The following GULP1 variants were observed in gnomAD, a reference collection of about 807,000 sequenced individuals.
GULP1 encodes the protein PTB domain-containing engulfment adapter protein 1.
A neutral mutation model predicts 40.9 loss-of-function variants in GULP1; 19 were observed. That is an observed-to-expected ratio of 0.46 (90% CI 0.32 to 0.68). GULP1 has a LOEUF of 0.68. Among genes scored for constraint, GULP1 ranks in the 30% least tolerant of loss-of-function variants. The pLI is 0.03. For synonymous variants in GULP1, 119 were observed against 117.6 expected (o/e 1.01, Z -0.08); for missense variants, 312 against 362.2 (o/e 0.86, Z 1.12).
chr2:188,318,637 G>A (rs2039497582), intron 1 of GULP1, among the ~76,000 whole-genome samples: 1 of 149,242 alleles, frequency 6.7e-6, no homozygotes, highest in African/African-American at 2.5e-5. Flanking sequence ...TCATTGGCAT[G>A]GTGAGTTACT....
intron 1 of GULP1, among the ~76,000 whole-genome samples, chr2:188,348,120 C>T (rs1390669970): frequency 9.9e-5 from 15 of 152,030 alleles, no homozygotes; most frequent in Non-Finnish European, 4.4e-5. Context: ...ATTTATAAAG[C>T]AATTGAAAAA....
At chr2:188,457,582 A>T (rs1332293310) in intron 2 of GULP1, among the ~76,000 whole-genome samples, 4 of 152,206 alleles carry the variant, frequency 2.6e-5, no homozygotes, top group Admixed American at 2.6e-4. Flanking sequence ...GTATTTCTTT[A>T]TAAGCAGCAT....
intron 5 of GULP1, among the ~76,000 whole-genome samples, chr2:188,525,014 C>A (rs1183959320): frequency 2.6e-5 from 4 of 151,838 alleles, no homozygotes; most frequent in Non-Finnish European, 5.9e-5. Flanking sequence ...ATGAATTTTT[C>A]ATGCTTCTGT....
chr2:188,579,392 T>A (rs1226905816), intron 9 of GULP1, among the ~76,000 whole-genome samples: 1 of 151,972 alleles, frequency 6.6e-6, no homozygotes, highest in Non-Finnish European at 1.5e-5. Context: ...TTATTTTTAA[T>A]TTAAAAATTT....
intron 2 of GULP1, among the ~76,000 whole-genome samples, chr2:188,436,257 A>G (rs1394437863): frequency 2.0e-5 from 3 of 151,962 alleles, no homozygotes; most frequent in Non-Finnish European, 2.9e-5. Flanking sequence ...TTCTGGTTGT[A>G]TTATCTTTTA....
At chr2:188,401,071 A>G (rs893734956) in intron 2 of GULP1, among the ~76,000 whole-genome samples, 12 of 151,970 alleles carry the variant, frequency 7.9e-5, no homozygotes, top group Non-Finnish European at 1.6e-4. Context: ...CCAGTTGTCT[A>G]GTGGCCTGTA....
intron 1 of GULP1, among the ~76,000 whole-genome samples, chr2:188,345,534 A>T (rs572744832): frequency 6.6e-5 from 10 of 152,348 alleles, no homozygotes; most frequent in Non-Finnish European, 1.2e-4. Context: ...ATTAAATATG[A>T]TCATTGGATT....
At chr2:188,329,187 C>A (rs1179036092) in intron 1 of GULP1, among the ~76,000 whole-genome samples, 1 of 151,748 alleles carries the variant, frequency 6.6e-6, no homozygotes, top group Non-Finnish European at 1.5e-5. Flanking sequence ...CCTCTTCTTC[C>A]TTCAGGCTGG....
chr2:188,538,667 C>T (rs904829707), intron 6 of GULP1, among the ~76,000 whole-genome samples: 21 of 149,378 alleles, frequency 1.4e-4, no homozygotes, highest in Admixed American at 6.0e-4. Context: ...ATGCTGATTG[C>T]GGTATGTGTG....
intron 2 of GULP1, among the ~76,000 whole-genome samples, chr2:188,455,276 T>C (rs2059164174): frequency 6.6e-6 from 1 of 152,184 alleles, no homozygotes; most frequent in South Asian, 2.1e-4. Flanking sequence ...AATTTAAAAA[T>C]ATTCCCAAAA....
chr2:188,473,841 A>G (rs906290524), intron 2 of GULP1, among the ~76,000 whole-genome samples: 1 of 152,138 alleles, frequency 6.6e-6, no homozygotes, highest in Admixed American at 6.5e-5. Flanking sequence ...TCTCAAGCTG[A>G]AGGAGTCTTG....
intron 2 of GULP1, among the ~76,000 whole-genome samples, chr2:188,410,673 C>A (rs1255057760): frequency 6.6e-6 from 1 of 151,998 alleles, no homozygotes; most frequent in Non-Finnish European, 1.5e-5. Flanking sequence ...TAGGAAGAGC[C>A]CAAAGTGGCT....
intron 1 of GULP1, among the ~76,000 whole-genome samples, chr2:188,372,956 T>A (rs79089391): frequency 0.044 from 6,727 of 152,062 alleles, 226 homozygotes; most frequent in Non-Finnish European, 0.07. Flanking sequence ...TATCCTTCTA[T>A]CCAAGAATAG....
intron 1 of GULP1, among the ~76,000 whole-genome samples, chr2:188,359,339 G>A (rs1405539421): frequency 6.6e-6 from 1 of 152,116 alleles, no homozygotes; most frequent in Non-Finnish European, 1.5e-5. Flanking sequence ...GCTCCAGAGT[G>A]ATATATGCTA....
In GULP1 at chr2:188,594,054, A is replaced by G. The variant is rs747229445; in HGVS notation, c.*43A>G. 5.2e-6 allele frequency: 5 copies of G among 964,054 alleles called. No individual in the cohort carries two copies. The highest frequency in any genetic ancestry group is 3.2e-5 in the African/African-American group (2 of 62,364). The allele number at this position is 964,054 out of a possible 1,614,324, so 59.7% of individuals were successfully genotyped here. ...CCTGATTCATGTTAAATGTGTTTGT[A>G]TACACATGTCATTTATTATTATTAC... On this transcript the variant is annotated 3_prime_UTR_variant, in exon 12 of 12. Coordinates refer to ENST00000409830, the MANE Select transcript of GULP1 (RefSeq NM_016315.4).
chr2:188,462,444 G>A (rs2059785043), intron 2 of GULP1, among the ~76,000 whole-genome samples: 1 of 152,090 alleles, frequency 6.6e-6, no homozygotes, highest in South Asian at 2.1e-4. Context: ...GCTCCATTTG[G>A]CCGAGAGTGC....
chr2:188,511,054 T>A (rs1215229982), intron 4 of GULP1, among the ~76,000 whole-genome samples: 1 of 152,172 alleles, frequency 6.6e-6, no homozygotes, highest in East Asian at 1.9e-4. Flanking sequence ...ATTTTCTCAT[T>A]TAATTCTCAC....
At chr2:188,521,631 G>A (rs757850148) in intron 4 of GULP1, among the ~76,000 whole-genome samples, 5 of 152,100 alleles carry the variant, frequency 3.3e-5, no homozygotes, top group Non-Finnish European at 5.9e-5. Context: ...CATGAGACCG[G>A]CATGGGAAAG....
chr2:188,552,168 G>A (rs994932559), intron 7 of GULP1, among the ~76,000 whole-genome samples: 57 of 150,756 alleles, frequency 3.8e-4, no homozygotes, highest in African/African-American at 1.4e-3. Flanking sequence ...ATGCTTTTTA[G>A]TGTAATTAAG....
Sources: allele counts gnomAD v4.1 joint callset (sites outside exome capture counted in the v4.1 genomes callset), GRCh38; gene constraint gnomAD v4.1.1; transcripts MANE v1.5; gene names NCBI Gene and HGNC (gene_info 2026-07-23, HGNC 2026-07-21).